The following REL variants were observed in gnomAD, a reference collection of about 807,000 sequenced individuals.
The protein encoded by REL is proto-oncogene c-Rel.
In REL, 15 loss-of-function variants were observed where a neutral mutation model predicts 45.9. The observed-to-expected ratio is 0.33, with a 90% CI of 0.22 to 0.50. The LOEUF is 0.50. REL is among the 20% of genes least tolerant of loss of function. REL has a pLI of 0.98. For missense variants in REL, 601 were observed against 715.2 expected, an observed-to-expected ratio of 0.84 and a Z score of 1.82; for synonymous variants, 239 against 242.1, an observed-to-expected ratio of 0.99 and a Z score of 0.12.
chr2:60,891,981 A>T (rs1673227499), intron 2 of REL, among the ~76,000 whole-genome samples, 156 bp downstream of exon 2: 1 of 152,030 alleles, frequency 6.6e-6, no homozygotes, highest in African/African-American at 2.4e-5. Context: ...TCAAAAAGAC[A>T]TCTATTAGAT....
At chr2:60,889,614 C>T (rs1010217071) in intron 1 of REL, among the ~76,000 whole-genome samples, 1 of 152,098 alleles carries the variant, frequency 6.6e-6, no homozygotes, top group African/African-American at 2.4e-5. Flanking sequence ...TCCCTCCCCC[C>T]TTCCCCCACC....
At chr2:60,920,295 A>T in intron 8 of REL, 186 bp downstream of exon 8, 1 of 617,282 alleles carries the variant, frequency 1.6e-6, no homozygotes, top group Non-Finnish European at 2.9e-6. Flanking sequence ...TCTGCCCCCC[A>T]GGTTCAACAA....
intron 9 of REL, among the ~76,000 whole-genome samples, chr2:60,921,117 C>G (rs1045934384): frequency 6.6e-6 from 1 of 150,898 alleles, no homozygotes; most frequent in African/African-American, 2.4e-5. Context: ...ATTGCCAATC[C>G]CTAGTTTAGG....
intron 4 of REL, among the ~76,000 whole-genome samples, chr2:60,910,537 T>C (rs1673784751): frequency 6.6e-6 from 1 of 151,374 alleles, no homozygotes; most frequent in South Asian, 2.1e-4. Context: ...TATTACCTTA[T>C]ATTTTGACTA....
At chr2:60,902,111 CTG>C (rs905430419) in intron 4 of REL, among the ~76,000 whole-genome samples, 1 of 152,054 alleles carries the variant, frequency 6.6e-6, no homozygotes, top group Non-Finnish European at 1.5e-5. Flanking sequence ...AATTAAATGA[CTG>C]TAATATTTTC....
intron 5 of REL, among the ~76,000 whole-genome samples, chr2:60,917,714 G>GTGTGTGTGTT (rs1553395739): frequency 7.3e-6 from 1 of 136,080 alleles, no homozygotes; most frequent in Non-Finnish European, 1.7e-5. Context: ...GTGTGTGTGT[G>GTGTGTGTGTT]TACGTGTGTG....
rs1674232913 is a variant in REL, at chr2:60,924,881, G to A, written c.*2346G>A. On this transcript the variant is annotated 3_prime_UTR_variant, in exon 10 of 10. Coordinates refer to ENST00000394479, the MANE Select transcript of REL (RefSeq NM_001291746.2). Reference sequence around the variant, plus strand: ...TCCTAGTTGTTTCTGCATACTTTATGTGAGTTGTTATAGCTGTAACATTAC... The same window carrying A: ...TCCTAGTTGTTTCTGCATACTTTATATGAGTTGTTATAGCTGTAACATTAC... 2 of 213,422 alleles carry A rather than the reference G, an allele frequency of 9.4e-6. No individual in the cohort carries two copies. The highest frequency in any genetic ancestry group is 1.9e-4 in the South Asian group (1 of 5,350). 13.2% of individuals were successfully genotyped at this position (213,422 alleles called of 1,614,324 possible). A position where few individuals can be genotyped will look rare whatever the true frequency, so the allele number is the denominator to read the frequency against.
intron 9 of REL, among the ~76,000 whole-genome samples, chr2:60,921,279 A>T (rs1314465582): frequency 6.6e-6 from 1 of 152,062 alleles, no homozygotes; most frequent in African/African-American, 2.4e-5. Flanking sequence ...CTGACTGTGA[A>T]TTTTATAGTC....
intron 3 of REL, among the ~76,000 whole-genome samples, chr2:60,898,471 G>T (rs949518063): frequency 6.6e-6 from 1 of 151,978 alleles, no homozygotes; most frequent in Non-Finnish European, 1.5e-5. Flanking sequence ...TGTTCCTTTT[G>T]CCTGGAAGTG....
At chr2:60,884,564 T>G (rs1319544830) in intron 1 of REL, among the ~76,000 whole-genome samples, 1 of 152,068 alleles carries the variant, frequency 6.6e-6, no homozygotes, top group East Asian at 1.9e-4. Context: ...TTTTGTATAT[T>G]TATTCTATTT....
Position 60,926,216 on chromosome 2 carries a change from T to C in REL, c.*3681T>C, listed in dbSNP as rs942250739. 2.2e-5 allele frequency: 5 copies of C among 230,930 alleles called. No individual in the cohort carries two copies. The highest frequency in any genetic ancestry group is 1.1e-4 in the African/African-American group (5 of 45,164). The allele number at this position is 230,930 out of a possible 1,614,324, so 14.3% of individuals were successfully genotyped here. ...GATTCCTTTCTTTGTATAAACATGG[T>C]AAATGTCTTCATTAGCCTAAAAGGA... is the stretch of plus-strand genomic sequence containing the variant. On this transcript the variant is annotated 3_prime_UTR_variant, in exon 10 of 10. Transcript: ENST00000394479.
intron 4 of REL, among the ~76,000 whole-genome samples, chr2:60,904,061 TATAAC>T (rs1323086666): frequency 6.6e-6 from 1 of 152,078 alleles, no homozygotes; most frequent in Non-Finnish European, 1.5e-5. Context: ...ATTTAATCCT[TATAAC>T]AGCCTACGAA....
chr2:60,899,747 A>G (rs1418938587), intron 3 of REL: 1 of 152,302 alleles, frequency 6.6e-6, no homozygotes, highest in Non-Finnish European at 1.5e-5. Flanking sequence ...CCATGTGGGA[A>G]CAAGTATGAC....
Position 60,926,787 on chromosome 2 carries a change from C to G in REL, c.*4252C>G, listed in dbSNP as rs905283657. The G allele has an allele frequency of 8.8e-6, 2 of 227,954 alleles. No individual in the cohort carries two copies. The highest frequency in any genetic ancestry group is 1.7e-5 in the Non-Finnish European group (2 of 114,712). 14.1% of individuals were successfully genotyped at this position (227,954 alleles called of 1,614,324 possible). On this transcript the variant is annotated 3_prime_UTR_variant, in exon 10 of 10. Coordinates refer to ENST00000394479, the MANE Select transcript of REL (RefSeq NM_001291746.2). The stretch of plus-strand genomic sequence containing the variant: ...TCACACTCATACTTAATCATCAAGT[C>G]CTTTTGAGCTTGTCTCCTCTTGAAT...
At chr2:60,920,960 A>T (rs1674125222) in intron 9 of REL, among the ~76,000 whole-genome samples, 2 of 152,070 alleles carry the variant, frequency 1.3e-5, no homozygotes, top group Admixed American at 1.3e-4. Flanking sequence ...TTACTGGAAC[A>T]CGGCCATGAA....
At chr2:60,900,581 T>C (rs1673465944) in intron 3 of REL, 1 of 165,834 alleles carries the variant, frequency 6.0e-6, no homozygotes, top group African/African-American at 2.4e-5. Context: ...TGGAGTGCAA[T>C]GGCGTGATCT....
intron 4 of REL, 25 bp from the exon 5 acceptor site, chr2:60,916,852 T>TA (rs1673975448): frequency 4.4e-6 from 7 of 1,589,348 alleles, no homozygotes; most frequent in African/African-American, 1.3e-5. Flanking sequence ...CTATTACATT[T>TA]AAAAAATTTT....
At chr2:60,886,631 C>A (rs530866047) in intron 1 of REL, among the ~76,000 whole-genome samples, 1 of 152,116 alleles carries the variant, frequency 6.6e-6, no homozygotes, top group East Asian at 1.9e-4. Flanking sequence ...GTTATAATTA[C>A]AATAATTAGC....
chr2:60,903,418 G>T (rs1308162643), intron 4 of REL, among the ~76,000 whole-genome samples: 1 of 152,068 alleles, frequency 6.6e-6, no homozygotes, highest in Non-Finnish European at 1.5e-5. Flanking sequence ...GAGATGCCCG[G>T]GCTGGAGTGC....
Sources: allele counts gnomAD v4.1 joint callset (sites outside exome capture counted in the v4.1 genomes callset), GRCh38; gene constraint gnomAD v4.1.1; transcripts MANE v1.5; gene names NCBI Gene and HGNC (gene_info 2026-07-23, HGNC 2026-07-21).